The following PHF24 variants were observed in gnomAD, a reference collection of about 807,000 sequenced individuals.
The protein encoded by PHF24 is PHD finger protein 24.
In PHF24, 25 loss-of-function variants were observed where a neutral mutation model predicts 42.6. The ratio of observed to expected loss-of-function variants is 0.59; its 90% CI spans 0.43 to 0.82. PHF24 has a LOEUF of 0.82. PHF24 is among the 40% of genes least tolerant of loss of function. The probability of loss-of-function intolerance (pLI) is 0.00; values close to 1 mark genes in which losing one functional copy is unlikely to be tolerated. For missense variants in PHF24, 470 were observed against 538.1 expected (o/e 0.87, Z 1.25); for synonymous variants, 185 against 204.8 (o/e 0.90, Z 0.83).
chr9:34,744,543 C>T, the PHF24 span, among the ~76,000 whole-genome samples: 1 of 152,124 alleles, frequency 6.6e-6, no homozygotes, highest in Non-Finnish European at 1.5e-5. Flanking sequence ...GTTCATTTGT[C>T]ACTAAATATT....
upstream of PHF24, chr9:34,958,243 G>GCCA: frequency 1.3e-5 from 2 of 153,354 alleles, no homozygotes; most frequent in Non-Finnish European, 2.7e-5. This position sits in a 1 kb window ranked among gnomAD's most constrained non-coding sequence, Gnocchi z 4.5. Context: ...CGCCGCCGCC[G>GCCA]CCGCCGCCGC....
chr9:34,820,480 T>C, the PHF24 span, among the ~76,000 whole-genome samples: 1,126 of 152,286 alleles, frequency 7.4e-3, 19 homozygotes, highest in African/African-American at 0.026. Context: ...AGTGAGAACA[T>C]GTGGTGTTTG....
At chr9:34,887,000 C>G in the PHF24 span, among the ~76,000 whole-genome samples, 1 of 152,174 alleles carries the variant, frequency 6.6e-6, no homozygotes, top group African/African-American at 2.4e-5. Flanking sequence ...GACTCCCCTT[C>G]TCCCACCATC....
chr9:34,883,766 G>GCAA, the PHF24 span, among the ~76,000 whole-genome samples: 1 of 152,332 alleles, frequency 6.6e-6, no homozygotes, highest in South Asian at 2.1e-4. Context: ...CACTGTTGGT[G>GCAA]GGACTGTAAA....
the PHF24 span, among the ~76,000 whole-genome samples, chr9:34,852,683 C>G: frequency 6.6e-6 from 1 of 152,222 alleles, no homozygotes; most frequent in African/African-American, 2.4e-5. Context: ...CTTCCTTTCT[C>G]TTGCTGCTTT....
chr9:34,768,607 C>T, the PHF24 span, among the ~76,000 whole-genome samples: 2 of 152,168 alleles, frequency 1.3e-5, no homozygotes, highest in African/African-American at 4.8e-5. Context: ...TAGCACTGTG[C>T]CTGGCGTACG....
At chr9:34,832,674 C>T in the PHF24 span, 1 of 1,541,646 alleles carries the variant, frequency 6.5e-7, no homozygotes, top group Non-Finnish European at 8.8e-7. Context: ...ATTTCTGAAG[C>T]TAGACTCTGT....
the PHF24 span, among the ~76,000 whole-genome samples, chr9:34,827,918 G>A: frequency 6.6e-6 from 1 of 151,968 alleles, no homozygotes; most frequent in Non-Finnish European, 1.5e-5. Flanking sequence ...TGCATTTAGA[G>A]CTTTTTCTGT....
At chr9:34,803,850 T>C in the PHF24 span, among the ~76,000 whole-genome samples, 2 of 152,190 alleles carry the variant, frequency 1.3e-5, no homozygotes, top group Non-Finnish European at 2.9e-5. Flanking sequence ...TATGCAGCAT[T>C]AGTATGCGCT....
the PHF24 span, among the ~76,000 whole-genome samples, chr9:34,824,969 C>T: frequency 6.6e-6 from 1 of 152,192 alleles, no homozygotes; most frequent in Admixed American, 6.5e-5. Flanking sequence ...TTAGAGGTTT[C>T]TTTGGAAATG....
At chr9:34,773,232 C>T in the PHF24 span, among the ~76,000 whole-genome samples, 24 of 152,204 alleles carry the variant, frequency 1.6e-4, no homozygotes, top group Non-Finnish European at 2.8e-4. Context: ...TCAGGTGATC[C>T]GCCCATCTTG....
At chr9:34,729,725 G>A in the PHF24 span, among the ~76,000 whole-genome samples, 12 of 152,102 alleles carry the variant, frequency 7.9e-5, no homozygotes, top group African/African-American at 2.7e-4. Context: ...CTGATGCCTC[G>A]GCTCTCTCCT....
chr9:34,930,411 G>C, the PHF24 span, among the ~76,000 whole-genome samples: 1 of 152,188 alleles, frequency 6.6e-6, no homozygotes, highest in Non-Finnish European at 1.5e-5. Context: ...GAGTGCAGAA[G>C]CCTCTTCACT....
chr9:34,759,104 A>G, the PHF24 span, among the ~76,000 whole-genome samples: 1 of 152,140 alleles, frequency 6.6e-6, no homozygotes, highest in Non-Finnish European at 1.5e-5. Flanking sequence ...GGTGTTTCTA[A>G]TCAGCCATCT....
rs755106101 is a variant in PHF24 at position 34,971,617 on chromosome 9, C to G, written c.319C>G (p.Pro107Ala). ...ATTCACACCCCCTGCGTTCATCCGC[C>G]CCACCCGGAAGCTGGATGATGACAA... The change falls in exon 2 of 8, where the codon CCC becomes GCC. Residue 107 changes from proline to alanine, a missense_variant. Transcript: ENST00000242315. 3.7e-6 allele frequency: 6 copies of G among 1,613,756 alleles called. No homozygotes were observed. In the African/African-American group the frequency reaches 4.0e-5, roughly 11 times the overall value.
chr9:34,947,373 CGTG>C, the PHF24 span, among the ~76,000 whole-genome samples: 4,498 of 152,278 alleles, frequency 0.03, 181 homozygotes, highest in African/African-American at 0.096. Context: ...ACATTACTCA[CGTG>C]GTGGTGGTGA....
At chr9:34,759,777 C>A in the PHF24 span, among the ~76,000 whole-genome samples, 1 of 152,170 alleles carries the variant, frequency 6.6e-6, no homozygotes, top group Non-Finnish European at 1.5e-5. Context: ...GCCCTCCCAC[C>A]AAATCATTAA....
At chr9:34,974,000 T>A (rs1019140448) in intron 3 of PHF24, among the ~76,000 whole-genome samples, 1 of 146,772 alleles carries the variant, frequency 6.8e-6, no homozygotes, top group Non-Finnish European at 1.5e-5. Context: ...CCAACAAATC[T>A]TCTTCTTCTT....
the PHF24 span, among the ~76,000 whole-genome samples, chr9:34,910,475 ATAAG>A: frequency 6.6e-6 from 1 of 152,238 alleles, no homozygotes; most frequent in Non-Finnish European, 1.5e-5. Flanking sequence ...TACATACAAA[ATAAG>A]TATGTGAGGT....
Sources: allele counts gnomAD v4.1 joint callset (sites outside exome capture counted in the v4.1 genomes callset), GRCh38; gene constraint gnomAD v4.1.1; non-coding constraint Gnocchi (gnomAD v3.1); transcripts MANE v1.5; gene names NCBI Gene and HGNC (gene_info 2026-07-23, HGNC 2026-07-21).